Variants in NLGN1 observed in about 807,000 individuals in gnomAD.
NLGN1 encodes neuroligin-1.
A neutral mutation model predicts 65.5 loss-of-function variants in NLGN1; 12 were observed. The ratio of observed to expected loss-of-function variants is 0.18; its 90% CI spans 0.12 to 0.30. The LOEUF (loss-of-function observed/expected upper bound fraction) is 0.30. NLGN1 is among the 10% of genes least tolerant of loss of function. The probability of loss-of-function intolerance (pLI) is 1.00; values close to 1 mark genes in which losing one functional copy is unlikely to be tolerated. For synonymous variants in NLGN1, 350 were observed against 359.5 expected (o/e 0.97, Z 0.30); for missense variants, 750 against 1,007.1 (o/e 0.74, Z 3.46).
At chr3:173,848,227 T>G (rs1726192466) in intron 4 of NLGN1, among the ~76,000 whole-genome samples, 1 of 152,198 alleles carries the variant, frequency 6.6e-6, no homozygotes, top group Non-Finnish European at 1.5e-5. Context: ...AGAGGAATAG[T>G]TGGCACACAG....
At chr3:173,841,896 G>A (rs1272987175) in intron 4 of NLGN1, among the ~76,000 whole-genome samples, 4 of 152,174 alleles carry the variant, frequency 2.6e-5, no homozygotes, top group Admixed American at 1.3e-4. Flanking sequence ...AGTAGGGACA[G>A]TATCTCAAAA....
intron 2 of NLGN1, among the ~76,000 whole-genome samples, chr3:173,564,834 C>G (rs1743362117): frequency 6.6e-6 from 1 of 152,134 alleles, no homozygotes; most frequent in African/African-American, 2.4e-5. Flanking sequence ...TATGTTGTAC[C>G]TGGGTTATCT....
At chr3:173,429,205 TCTGA>T (rs1374659703) in intron 1 of NLGN1, among the ~76,000 whole-genome samples, 23 of 152,166 alleles carry the variant, frequency 1.5e-4, no homozygotes, top group African/African-American at 5.5e-4. Flanking sequence ...TTTTCTGTCC[TCTGA>T]CTGTGTATTT....
chr3:173,681,044 T>G (rs1763878936), intron 3 of NLGN1, among the ~76,000 whole-genome samples: 1 of 152,218 alleles, frequency 6.6e-6, no homozygotes, highest in Non-Finnish European at 1.5e-5. Flanking sequence ...ACAGTGAATT[T>G]TAGCTACATA....
At chr3:173,683,408 A>G (rs753390038) in intron 3 of NLGN1, among the ~76,000 whole-genome samples, 5 of 152,114 alleles carry the variant, frequency 3.3e-5, no homozygotes, top group Admixed American at 2.0e-4. Context: ...CCCAGATCCC[A>G]CTAAGCTCTC....
chr3:173,624,880 A>AT (rs56269530), intron 3 of NLGN1, among the ~76,000 whole-genome samples: 36,882 of 150,302 alleles, frequency 0.25, 5,506 homozygotes, highest in African/African-American at 0.42. Context: ...CTTTATTTAT[A>AT]TTTTTTTTCT....
chr3:173,695,526 T>C, intron 3 of NLGN1: 1 of 349,328 alleles, frequency 2.9e-6, no homozygotes, highest in Non-Finnish European at 5.6e-6. Flanking sequence ...AGACCATATA[T>C]TCAAATTTTT....
At chr3:173,431,328 GT>G (rs911405426) in intron 1 of NLGN1, among the ~76,000 whole-genome samples, 3 of 151,972 alleles carry the variant, frequency 2.0e-5, no homozygotes, top group Non-Finnish European at 4.4e-5. Flanking sequence ...CTACATTTTA[GT>G]TTGTTTCTTT....
At chr3:173,800,407 A>G in intron 3 of NLGN1, 1 of 576,982 alleles carries the variant, frequency 1.7e-6, no homozygotes, top group Non-Finnish European at 2.6e-6. Flanking sequence ...CACTTTTTCC[A>G]CCCCTTTCTA....
rs565046394 is a variant in NLGN1 at position 173,894,965 on chromosome 3, G to T, written c.646+87133G>T. Among the ~76,000 whole-genome samples the T allele has an allele frequency of 2.6e-5, 4 of 152,172 alleles. No homozygotes were observed. The East Asian group carries it at 5.8e-4, about 22-fold the overall frequency. ...AAATTTATTTTCTTATAGTTAAATA[G>T]GTAAAAAGTCTGACACAGGTATCAC... On this transcript the variant is annotated intron_variant, in intron 4 of 6. Transcript: ENST00000457714.
chr3:173,996,839 CA>C (rs1448832772), intron 4 of NLGN1, among the ~76,000 whole-genome samples: 1 of 152,072 alleles, frequency 6.6e-6, no homozygotes, highest in African/African-American at 2.4e-5. Flanking sequence ...TATTTTCTGG[CA>C]GGGGAGGTGG....
At chr3:173,851,911 G>T (rs1560493970) in intron 4 of NLGN1, among the ~76,000 whole-genome samples, 1 of 151,458 alleles carries the variant, frequency 6.6e-6, no homozygotes, top group Non-Finnish European at 1.5e-5. Flanking sequence ...TTAAAATGTT[G>T]TCAAATACAG....
chr3:173,503,720 T>C (rs1477757399), intron 2 of NLGN1, among the ~76,000 whole-genome samples: 1 of 152,052 alleles, frequency 6.6e-6, no homozygotes, highest in African/African-American at 2.4e-5. Context: ...GAAGATAGTT[T>C]ATTAATTTGT....
intron 2 of NLGN1, among the ~76,000 whole-genome samples, chr3:173,454,039 TA>T (rs1450374825): frequency 6.6e-6 from 1 of 152,206 alleles, no homozygotes; most frequent in Non-Finnish European, 1.5e-5. Context: ...GAATGTTGTG[TA>T]AACAGGCATG....
At chr3:173,928,465 T>G (rs1743424730) in intron 4 of NLGN1, among the ~76,000 whole-genome samples, 1 of 152,158 alleles carries the variant, frequency 6.6e-6, no homozygotes. Context: ...ATAACTAAGA[T>G]CTGTAATACT....
chr3:173,811,958 C>T (rs142235121), intron 4 of NLGN1, among the ~76,000 whole-genome samples: 110 of 152,018 alleles, frequency 7.2e-4, no homozygotes, highest in African/African-American at 2.5e-3. Context: ...CTTGGGCAAA[C>T]GAGATTTTAA....
At chr3:173,556,896 C>T (rs1741795462) in intron 2 of NLGN1, among the ~76,000 whole-genome samples, 1 of 151,952 alleles carries the variant, frequency 6.6e-6, no homozygotes, top group Non-Finnish European at 1.5e-5. Context: ...GTTATTGAAA[C>T]TTATTTTTTG....
At chr3:174,057,378 G>T (rs112441438) in intron 4 of NLGN1, among the ~76,000 whole-genome samples, 1 of 152,140 alleles carries the variant, frequency 6.6e-6, no homozygotes, top group South Asian at 2.1e-4. Flanking sequence ...GTGGCACAAG[G>T]GCCTGCAGGG....
At chr3:173,680,406 A>G (rs375614449) in intron 3 of NLGN1, among the ~76,000 whole-genome samples, 1 of 152,208 alleles carries the variant, frequency 6.6e-6, no homozygotes, top group African/African-American at 2.4e-5. Flanking sequence ...CCTATAAATC[A>G]CCACTGCCAA....
Sources: gnomAD v4.1 joint callset for allele counts (sites outside exome capture counted in the v4.1 genomes callset) on GRCh38, gnomAD v4.1.1 for gene constraint, MANE v1.5 for transcripts, NCBI Gene and HGNC (gene_info 2026-07-23, HGNC 2026-07-21) for gene names.